GRIK4: variants seen among roughly 807,000 people sequenced by gnomAD.
The protein encoded by GRIK4 is glutamate receptor ionotropic, kainate 4.
Under a neutral mutation model 104.9 loss-of-function variants are expected in GRIK4, and 40 were observed. That is an observed-to-expected ratio of 0.38 (90% CI 0.30 to 0.50). The LOEUF is 0.50. GRIK4 is among the 20% of genes least tolerant of loss of function. The pLI is 0.93. For missense variants in GRIK4, 1,047 were observed against 1,308.1 expected (o/e 0.80, Z 3.08); for synonymous variants, 485 against 524.9 (o/e 0.92, Z 1.04).
At chr11:120,774,680 A>G (rs1243135536) in intron 3 of GRIK4, among the ~76,000 whole-genome samples, 2 of 152,206 alleles carry the variant, frequency 1.3e-5, no homozygotes, top group South Asian at 2.1e-4. Context: ...CAGGCACTGT[A>G]GCCTAACCCA....
chr11:120,769,996 A>G (rs1951910090), intron 3 of GRIK4, among the ~76,000 whole-genome samples: 1 of 152,184 alleles, frequency 6.6e-6, no homozygotes, highest in South Asian at 2.1e-4. Flanking sequence ...GGGCTGAGAA[A>G]TATTTCCCTC....
intron 1 of GRIK4, among the ~76,000 whole-genome samples, chr11:120,626,003 C>T (rs1482343274): frequency 6.6e-6 from 1 of 152,142 alleles, no homozygotes; most frequent in Admixed American, 6.5e-5. Context: ...GGTAGGATTA[C>T]ATCAAGGAGG....
intron 3 of GRIK4, among the ~76,000 whole-genome samples, chr11:120,784,059 C>T (rs1045597052): frequency 1.3e-5 from 2 of 152,262 alleles, no homozygotes; most frequent in Admixed American, 6.5e-5. Context: ...GAGGTACTCC[C>T]CAGCATGTAG....
chr11:120,514,149 C>T (rs575970220), intron 1 of GRIK4, among the ~76,000 whole-genome samples: 119 of 152,190 alleles, frequency 7.8e-4, no homozygotes, highest in Non-Finnish European at 1.3e-3. Flanking sequence ...AGCAGCGAGG[C>T]GGAAGCTGGC....
chr11:120,846,439 G>T (rs1953853656), intron 8 of GRIK4, among the ~76,000 whole-genome samples: 1 of 152,164 alleles, frequency 6.6e-6, no homozygotes, highest in African/African-American at 2.4e-5. Flanking sequence ...TTCTTCTTTG[G>T]GAGTTTGGAT....
intron 14 of GRIK4, among the ~76,000 whole-genome samples, chr11:120,941,124 A>G (rs924696926): frequency 1.3e-5 from 2 of 152,210 alleles, no homozygotes; most frequent in African/African-American, 4.8e-5. Context: ...CCATCAGTGA[A>G]TAATCATGAC....
Position 120,902,727 on chromosome 11 carries a change from AGGG to A in GRIK4, c.1273-2561_1273-2559del, listed in dbSNP as rs1034095207. Among the ~76,000 whole-genome samples, 1 of 152,154 alleles carries A rather than the reference AGGG, an allele frequency of 6.6e-6. No homozygotes were observed. Among genetic ancestry groups the A allele is most frequent in the African/African-American group, 2.4e-5 (1 of 41,430 alleles). On this transcript the variant is annotated intron_variant, in intron 12 of 20. Coordinates refer to ENST00000527524, the MANE Select transcript of GRIK4 (RefSeq NM_014619.5). The surrounding 1 kb of genome is among the most constrained non-coding windows in gnomAD (Gnocchi z 4.5). ...ATTGTGTGGGCCCTGGCATGAGAGC[AGGG>A]GAGTTCTGAGACATGGGTTGGCACA...
intron 1 of GRIK4, among the ~76,000 whole-genome samples, chr11:120,650,319 C>G (rs1949601023): frequency 1.3e-5 from 2 of 152,186 alleles, no homozygotes; most frequent in Non-Finnish European, 1.5e-5. Flanking sequence ...ACGGATGCCA[C>G]AGCTAATGAG....
At chr11:120,596,569 T>C (rs1409538073) in intron 1 of GRIK4, among the ~76,000 whole-genome samples, 1 of 152,106 alleles carries the variant, frequency 6.6e-6, no homozygotes, top group Non-Finnish European at 1.5e-5. Context: ...TTTATGTCTA[T>C]GTGTCTACGT....
chr11:120,904,433 AC>A (rs1942819913), intron 12 of GRIK4, among the ~76,000 whole-genome samples: 1 of 152,108 alleles, frequency 6.6e-6, no homozygotes, highest in Non-Finnish European at 1.5e-5. Flanking sequence ...CTCCAATCCA[AC>A]CTGCAGCCCA....
chr11:120,981,445 T>A (rs2134798533), intron 19 of GRIK4, among the ~76,000 whole-genome samples: 1 of 152,304 alleles, frequency 6.6e-6, no homozygotes, highest in Non-Finnish European at 1.5e-5. Context: ...GAAACTTCTG[T>A]AAAAATACAG....
rs149581723 is a variant in GRIK4 at position 120,880,094 on chromosome 11, A to T, written c.1164+4851A>T. Among the ~76,000 whole-genome samples, 425 of 152,324 alleles carry T rather than the reference A, an allele frequency of 2.8e-3. 1 individual carries two copies. Among genetic ancestry groups the T allele is most frequent in the African/African-American group, 9.7e-3 (404 of 41,580 alleles). ...TTGCTATTCCTAGTTAAAGATGCAG[A>T]TCTAAACTTTTTCTGTTGGCTCACT... On this transcript the variant is annotated intron_variant, in intron 11 of 20. Coordinates refer to ENST00000527524, the MANE Select transcript of GRIK4 (RefSeq NM_014619.5).
intron 8 of GRIK4, among the ~76,000 whole-genome samples, chr11:120,855,105 A>G (rs1157118875): frequency 6.6e-6 from 1 of 152,206 alleles, no homozygotes; most frequent in Non-Finnish European, 1.5e-5. Flanking sequence ...TTCACAGGCC[A>G]GCGGGGAAGC....
chr11:120,668,203 GCAGA>G (rs1949953319), intron 3 of GRIK4, among the ~76,000 whole-genome samples: 1 of 151,558 alleles, frequency 6.6e-6, no homozygotes, highest in African/African-American at 2.4e-5. Flanking sequence ...AGGTAGGTAA[GCAGA>G]CAGACAGAGA....
At chr11:120,760,267 C>T (rs1156275198) in intron 3 of GRIK4, among the ~76,000 whole-genome samples, 2 of 151,166 alleles carry the variant, frequency 1.3e-5, no homozygotes, top group Non-Finnish European at 2.9e-5. Context: ...CTAGCTTATT[C>T]ACTTAGCATA....
chr11:120,512,244 C>G (rs1289941142), intron 1 of GRIK4, among the ~76,000 whole-genome samples: 1 of 151,968 alleles, frequency 6.6e-6, no homozygotes, highest in East Asian at 1.9e-4. Context: ...CCTCCCCCTC[C>G]CCGTGCAACT....
intron 1 of GRIK4, among the ~76,000 whole-genome samples, chr11:120,621,224 T>C (rs1285980579): frequency 6.6e-6 from 1 of 152,120 alleles, no homozygotes; most frequent in African/African-American, 2.4e-5. Flanking sequence ...GCAGGGTCGG[T>C]GGATGATCTT....
intron 1 of GRIK4, among the ~76,000 whole-genome samples, chr11:120,585,405 A>G (rs960032698): frequency 3.4e-5 from 5 of 148,064 alleles, no homozygotes; most frequent in Non-Finnish European, 5.9e-5. Flanking sequence ...GCCGAGGTGC[A>G]GTGGACCTAT....
chr11:120,594,012 T>C (rs1276671267), intron 1 of GRIK4, among the ~76,000 whole-genome samples: 1 of 152,174 alleles, frequency 6.6e-6, no homozygotes, highest in Non-Finnish European at 1.5e-5. Context: ...CCACCATCTC[T>C]CCTCTGACCT....
Sources: allele counts gnomAD v4.1 joint callset (sites outside exome capture counted in the v4.1 genomes callset), GRCh38; gene constraint gnomAD v4.1.1; non-coding constraint Gnocchi (gnomAD v3.1); transcripts MANE v1.5; gene names NCBI Gene and HGNC (gene_info 2026-07-23, HGNC 2026-07-21).